Variants in CSPP1 observed in about 807,000 individuals in gnomAD.
CSPP1 encodes centrosome and spindle pole associated protein 1, also known as centrosome and spindle pole-associated protein 1.
CSPP1 carries 126 observed loss-of-function variants against 164.4 expected under a neutral mutation model. The ratio of observed to expected loss-of-function variants is 0.77; its 90% CI spans 0.66 to 0.89. The LOEUF (loss-of-function observed/expected upper bound fraction) is 0.89, where lower values mean the gene tolerates loss of function less well. Among genes scored for constraint, CSPP1 ranks in the 40% least tolerant of loss-of-function variants. The pLI, the probability that CSPP1 is intolerant of heterozygous loss-of-function variation, is 0.00. For synonymous variants in CSPP1, 472 were observed against 476.7 expected, an observed-to-expected ratio of 0.99 and a Z score of 0.13; for missense variants, 1,395 against 1,449.8, an observed-to-expected ratio of 0.96 and a Z score of 0.61.
chr8:67,187,053 ACTG>A (rs1247740702), intron 28 of CSPP1, among the ~76,000 whole-genome samples: 2 of 152,226 alleles, frequency 1.3e-5, no homozygotes, highest in East Asian at 3.9e-4. Flanking sequence ...AAACTACAAA[ACTG>A]ATGAAATTGA....
intron 29 of CSPP1, 86 bp from the exon 30 acceptor site, chr8:67,193,378 A>C: frequency 8.2e-7 from 1 of 1,223,300 alleles, no homozygotes; most frequent in East Asian, 2.4e-5. Flanking sequence ...ATCACAGGTG[A>C]TAGGCACCAT....
At chr8:67,166,278 G>A (rs1829292786) in intron 24 of CSPP1, among the ~76,000 whole-genome samples, 1 of 151,990 alleles carries the variant, frequency 6.6e-6, no homozygotes, top group African/African-American at 2.4e-5. Flanking sequence ...CTTATTGCTG[G>A]GTGTCACTGC....
chr8:67,166,871 G>A (rs1829417822), intron 24 of CSPP1, among the ~76,000 whole-genome samples: 1 of 152,126 alleles, frequency 6.6e-6, no homozygotes, highest in Admixed American at 6.5e-5. Context: ...GGACCCTGCG[G>A]CCTTCCGCAG....
chr8:67,195,379 T>G lies in CSPP1; in HGVS notation c.3470-3T>G. On this transcript the variant is annotated splice_region_variant and splice_polypyrimidine_tract_variant and intron_variant, in intron 30 of 30. Transcript: ENST00000678616. ...TGAGCCACGTGTCCCTTGCCTCCTG[T>G]AGATGATGAGAGTTCACTGGTTGAC... is the stretch of plus-strand genomic sequence containing the variant. The G allele has an allele frequency of 6.2e-7, 1 of 1,611,514 alleles. No individual in the cohort carries two copies. The highest frequency in any genetic ancestry group is 8.5e-7 in the Non-Finnish European group (1 of 1,177,772).
At chr8:67,116,208 G>A (rs1237194814) in intron 13 of CSPP1, 86 bp downstream of exon 13, 13 of 948,592 alleles carry the variant, frequency 1.4e-5, no homozygotes, top group East Asian at 2.4e-5. Flanking sequence ...AGCGGATGAC[G>A]TTATTCTTCA....
chr8:67,117,417 C>T (rs775003500), intron 13 of CSPP1, among the ~76,000 whole-genome samples: 25 of 152,080 alleles, frequency 1.6e-4, no homozygotes, highest in Admixed American at 3.9e-4. Flanking sequence ...TCTAGAATGC[C>T]GCCATCTCTT....
intron 15 of CSPP1, among the ~76,000 whole-genome samples, chr8:67,127,271 A>AT (rs1820267935): frequency 6.6e-6 from 1 of 152,086 alleles, no homozygotes; most frequent in South Asian, 2.1e-4. Flanking sequence ...AACAACAGAC[A>AT]TTTTTTCTTG....
intron 16 of CSPP1, chr8:67,135,411 C>T (rs1822053365): frequency 6.6e-6 from 1 of 152,198 alleles, no homozygotes; most frequent in African/African-American, 2.4e-5. Flanking sequence ...ATCCGCCCAC[C>T]TTGGCCTCCC....
chr8:67,188,165 CAAAG>C (rs1044812425), intron 28 of CSPP1, among the ~76,000 whole-genome samples: 3 of 152,172 alleles, frequency 2.0e-5, no homozygotes, highest in African/African-American at 7.2e-5. Flanking sequence ...CCAAAATACA[CAAAG>C]AAATCTTAAA....
chr8:67,187,219 T>G (rs1302055216), intron 28 of CSPP1, among the ~76,000 whole-genome samples: 1 of 152,112 alleles, frequency 6.6e-6, no homozygotes, highest in Non-Finnish European at 1.5e-5. Context: ...AACAAACTGA[T>G]TCTAAAGTTC....
rs1479753560 is a variant in CSPP1 at position 67,193,550 on chromosome 8, TGAG to T, written c.3420_3422del (p.Glu1141del). Reference sequence around the variant, plus strand: ...ATGTTGATGAGCTTAGAGTGAGAAATGAGGAACGAATGCGAAGACTGAATGAAT... The same window carrying T: ...ATGTTGATGAGCTTAGAGTGAGAAATGAACGAATGCGAAGACTGAATGAAT... On this transcript the variant is annotated inframe_deletion, in exon 30 of 31. Transcript: ENST00000678616. 5.0e-6 allele frequency: 8 copies of T among 1,613,856 alleles called. No homozygotes were observed. The South Asian group carries it at 8.8e-5, about 18-fold the overall frequency.
rs1001941534 is a variant in CSPP1 at position 67,121,479 on chromosome 8, T to A, written c.1697+2658T>A. Among the ~76,000 whole-genome samples the A allele has an allele frequency of 2.0e-5, 3 of 152,214 alleles. No individual in the cohort carries two copies. In the East Asian group the frequency reaches 5.8e-4, roughly 29 times the overall value. On this transcript the variant is annotated intron_variant, in intron 15 of 30. Transcript: ENST00000678616. ...AATGTGGTATATTGATTGATTTTTT[T>A]ATGTTTAACCATAACCATCCTTGTT...
In CSPP1 at chr8:67,167,774, G is replaced by A. The variant is rs564353402; in HGVS notation, c.2828+3266G>A. Among the ~76,000 whole-genome samples, 7 of 151,788 alleles carry A rather than the reference G, an allele frequency of 4.6e-5. No individual in the cohort carries two copies. The South Asian group carries it at 1.3e-3, about 27-fold the overall frequency. The stretch of plus-strand genomic sequence containing the variant: ...CAGAGACGCTCCTCACTTCCTAAAC[G>A]GGATGGCGGCTGGGAAGAGGTGCTC... On this transcript the variant is annotated intron_variant, in intron 24 of 30. Transcript: ENST00000678616.
At chr8:67,106,353 A>G (rs1377594893) in intron 9 of CSPP1, among the ~76,000 whole-genome samples, 1 of 151,736 alleles carries the variant, frequency 6.6e-6, no homozygotes, top group Non-Finnish European at 1.5e-5. Flanking sequence ...TTAATTCCAT[A>G]TTTTATTAGC....
chr8:67,115,787 T>C, intron 12 of CSPP1, 127 bp from the exon 13 acceptor site: 1 of 615,264 alleles, frequency 1.6e-6, no homozygotes. Flanking sequence ...GAGTCTTTTA[T>C]AGCTGTAAAA....
chr8:67,108,401 C>CA (rs536563215), intron 9 of CSPP1, among the ~76,000 whole-genome samples: 2,607 of 115,944 alleles, frequency 0.022, 47 homozygotes, highest in African/African-American at 0.056. Context: ...GACCCTGTGT[C>CA]AAAAAAAAAA....
In CSPP1 at chr8:67,196,097, AATG is replaced by A. The variant is rs1352610433; in HGVS notation, c.*506_*508del. ...CATTTGTAGCTACTGATACAGCAGA[AATG>A]AAGGGAACTGTAATTACTTGTATTT... is the stretch of plus-strand genomic sequence containing the variant. On this transcript the variant is annotated 3_prime_UTR_variant, in exon 31 of 31. Transcript: ENST00000678616. 1 of 153,516 alleles carries A rather than the reference AATG, an allele frequency of 6.5e-6. No individual in the cohort carries two copies. The highest frequency in any genetic ancestry group is 1.5e-5 in the Non-Finnish European group (1 of 68,940). The allele number at this position is 153,516 out of a possible 1,614,324, so 9.5% of individuals were successfully genotyped here. A position where few individuals can be genotyped will look rare whatever the true frequency, so the allele number is the denominator to read the frequency against.
intron 24 of CSPP1, among the ~76,000 whole-genome samples, chr8:67,167,176 C>T (rs1050752954): frequency 3.7e-4 from 56 of 152,246 alleles, no homozygotes; most frequent in African/African-American, 1.3e-3. Context: ...CCCACATTTC[C>T]CCCTTTTCTA....
chr8:67,195,808 C>T lies in CSPP1; in HGVS notation c.*215C>T, dbSNP rs2129576745. 2 of 507,656 alleles carry T rather than the reference C, an allele frequency of 3.9e-6. No individual in the cohort carries two copies. Among genetic ancestry groups the T allele is most frequent in the Admixed American group, 3.4e-5 (1 of 29,114 alleles). 31.4% of individuals were successfully genotyped at this position (507,656 alleles called of 1,614,324 possible). The stretch of plus-strand genomic sequence containing the variant: ...TAGAATTGTATAGATTATTTTTGCA[C>T]AGTTTTGTCATAAATTAGGGTGGTA... On this transcript the variant is annotated 3_prime_UTR_variant, in exon 31 of 31. Coordinates refer to ENST00000678616, the MANE Select transcript of CSPP1 (RefSeq NM_001382391.1).
Sources: allele counts gnomAD v4.1 joint callset (sites outside exome capture counted in the v4.1 genomes callset), GRCh38; gene constraint gnomAD v4.1.1; transcripts MANE v1.5; gene names NCBI Gene and HGNC (gene_info 2026-07-23, HGNC 2026-07-21).